SMIM14: variants seen among roughly 807,000 people sequenced by gnomAD.
SMIM14 encodes the protein small integral membrane protein 14, also known as chromosome 4 open reading frame 34.
In SMIM14, 5 loss-of-function variants were observed where a neutral mutation model predicts 12.6. The ratio of observed to expected loss-of-function variants is 0.40; its 90% CI spans 0.21 to 0.83. The LOEUF (loss-of-function observed/expected upper bound fraction) is 0.83, where lower values mean the gene tolerates loss of function less well. Among genes scored for constraint, SMIM14 ranks in the 40% least tolerant of loss-of-function variants. The pLI, the probability that SMIM14 is intolerant of heterozygous loss-of-function variation, is 0.37. For missense variants in SMIM14, 86 were observed against 119.1 expected (o/e 0.72, Z 1.29); for synonymous variants, 30 against 40.1 (o/e 0.75, Z 0.95).
In SMIM14 at chr4:39,574,844, C is replaced by T. The variant is rs964039597; in HGVS notation, c.76-2381G>A. ...TTGGTGTATACTACTAAAAGTAGTC[C>T]TGTTTGGAGCCAGGCCCGGTGGCTC... On this transcript the variant is annotated intron_variant, in intron 2 of 4. Transcript: ENST00000295958. 1.3e-5 allele frequency among the ~76,000 whole-genome samples: 2 copies of T among 151,976 alleles called. 1 individual carries two copies.
rs1166924086 is a variant in SMIM14 at position 39,610,144 on chromosome 4, C to T, written c.-35-4964G>A. 7.9e-5 allele frequency among the ~76,000 whole-genome samples: 12 copies of T among 152,262 alleles called. No individual in the cohort carries two copies. In the South Asian group the frequency reaches 2.1e-3, roughly 26 times the overall value. On this transcript the variant is annotated intron_variant, in intron 1 of 4. Transcript: ENST00000295958. ...TAGCTGGGACCACAGGTACACACCCCATCTTGCTAGTTTTAAATTTTCTGT... is the reference window on the plus strand; with the variant it reads ...TAGCTGGGACCACAGGTACACACCCTATCTTGCTAGTTTTAAATTTTCTGT...
chr4:39,638,344 C>T, intron 1 of SMIM14: 4 of 499,580 alleles, frequency 8.0e-6, no homozygotes, highest in Non-Finnish European at 1.0e-5. Context: ...CTGAGGGAGA[C>T]GGTAAACAAG....
chr4:39,612,403 C>A (rs146440171), intron 1 of SMIM14, among the ~76,000 whole-genome samples: 1 of 151,896 alleles, frequency 6.6e-6, no homozygotes, highest in African/African-American at 2.4e-5. Flanking sequence ...TACACACATG[C>A]GCTATGCTGG....
intron 3 of SMIM14, among the ~76,000 whole-genome samples, chr4:39,560,034 A>G (rs985505752): frequency 2.0e-5 from 3 of 151,548 alleles, no homozygotes; most frequent in African/African-American, 7.3e-5. Flanking sequence ...AGGTGGGAGG[A>G]TGGCTTGAGC....
intron 1 of SMIM14, among the ~76,000 whole-genome samples, chr4:39,607,066 T>C (rs770823365): frequency 3.9e-5 from 6 of 152,000 alleles, no homozygotes; most frequent in African/African-American, 1.2e-4. Flanking sequence ...ACTTGGGTGG[T>C]TGGGGCAGGA....
rs1168446466 is a variant in SMIM14 at position 39,567,143 on chromosome 4, GAAAAAAAAAAAA to G, written c.124+5260_124+5271del. ...AGAGCAAAACTCCATCTCAAAAAAA[GAAAAAAAAAAAA>G]AAAAAAAAAAAAAAGGAAGCCGCAA... On this transcript the variant is annotated intron_variant, in intron 3 of 4. Transcript: ENST00000295958. Among the ~76,000 whole-genome samples, 87 of 72,118 alleles carry G rather than the reference GAAAAAAAAAAAA, an allele frequency of 1.2e-3. 1 individual carries two copies. Among genetic ancestry groups the G allele is most frequent in the African/African-American group, 4.1e-3 (84 of 20,448 alleles). The allele number at this position is 72,118 out of a possible 152,430, so 47.3% of individuals were successfully genotyped here.
chr4:39,581,873 CTTTTTTTT>C (rs200459196), intron 2 of SMIM14, among the ~76,000 whole-genome samples: 1 of 135,418 alleles, frequency 7.4e-6, no homozygotes, highest in Non-Finnish European at 1.6e-5. Flanking sequence ...AATGTCTTTT[CTTTTTTTT>C]TTTTTTTGAG....
chr4:39,563,799 C>A (rs1258432728), intron 3 of SMIM14, among the ~76,000 whole-genome samples: 1 of 152,218 alleles, frequency 6.6e-6, no homozygotes, highest in East Asian at 1.9e-4. Flanking sequence ...CTGAGACCAT[C>A]TCATAGCTGT....
intron 1 of SMIM14, among the ~76,000 whole-genome samples, chr4:39,627,464 T>C (rs950514082): frequency 9.2e-5 from 14 of 152,146 alleles, no homozygotes; most frequent in Non-Finnish European, 2.9e-5. Flanking sequence ...AATAGATAAA[T>C]CACTTAGCCT....
intron 3 of SMIM14, among the ~76,000 whole-genome samples, chr4:39,562,145 A>C (rs1712340282): frequency 6.6e-6 from 1 of 151,802 alleles, no homozygotes; most frequent in African/African-American, 2.4e-5. Context: ...AGGCCGAGGC[A>C]GGAGGATCCC....
At chr4:39,597,013 C>A (rs1333576603) in intron 2 of SMIM14, among the ~76,000 whole-genome samples, 1 of 151,440 alleles carries the variant, frequency 6.6e-6, no homozygotes, top group Non-Finnish European at 1.5e-5. Context: ...TAGGTTCAAG[C>A]AATCTGCCTG....
chr4:39,586,121 T>C (rs1239344111), intron 2 of SMIM14, among the ~76,000 whole-genome samples: 1 of 152,112 alleles, frequency 6.6e-6, no homozygotes, highest in Non-Finnish European at 1.5e-5. Flanking sequence ...ACAAATCTTA[T>C]CAAGTGGTTA....
At chr4:39,582,366 G>T (rs1001261755) in intron 2 of SMIM14, among the ~76,000 whole-genome samples, 1 of 151,936 alleles carries the variant, frequency 6.6e-6, no homozygotes, top group Non-Finnish European at 1.5e-5. Flanking sequence ...GATTCTTTTT[G>T]AATATGAAAG....
chr4:39,565,337 CT>C (rs1178390646), intron 3 of SMIM14, among the ~76,000 whole-genome samples: 1 of 151,940 alleles, frequency 6.6e-6, no homozygotes. Flanking sequence ...GAGGGCTTTT[CT>C]TTTTTTTGGA....
In SMIM14 at chr4:39,556,513, A is replaced by G; in HGVS notation, c.182T>C (p.Met61Thr). The G allele has an allele frequency of 6.2e-7, 1 of 1,613,988 alleles. No individual in the cohort carries two copies. Among genetic ancestry groups the G allele is most frequent in the South Asian group, 1.1e-5 (1 of 91,036 alleles). The change falls in exon 4 of 5, where the codon ATG becomes ACG. Residue 61 changes from methionine (M) to threonine (T), a missense_variant. Met to Thr is a moderately conservative substitution (Grantham distance 81). Coordinates refer to ENST00000295958, the MANE Select transcript of SMIM14 (RefSeq NM_174921.3). The part of the protein sequence containing the change: ...ISVTMILVAW[M>T]VIALILFLLR... ...TAAGAACAAGATCAATGCAATAACCATCCAGGCTACCAAGATCATTGTAAC... is the reference window on the plus strand; with the variant it reads ...TAAGAACAAGATCAATGCAATAACCGTCCAGGCTACCAAGATCATTGTAAC...
intron 3 of SMIM14, among the ~76,000 whole-genome samples, chr4:39,565,354 T>C (rs1239834283): frequency 6.6e-6 from 1 of 152,120 alleles, no homozygotes; most frequent in African/African-American, 2.4e-5. Flanking sequence ...TTGGACAGGG[T>C]CTCACTCTGT....
At chr4:39,605,477 T>C (rs535026488) in intron 1 of SMIM14, among the ~76,000 whole-genome samples, 1 of 152,248 alleles carries the variant, frequency 6.6e-6, no homozygotes, top group Middle Eastern at 3.4e-3. Context: ...TACTCAATTA[T>C]TTGACTTTAT....
intron 1 of SMIM14, among the ~76,000 whole-genome samples, chr4:39,615,119 G>A (rs544474752): frequency 1.6e-4 from 25 of 151,976 alleles, no homozygotes; most frequent in Non-Finnish European, 2.8e-4. Context: ...TTTATTTATA[G>A]AGACAGGGTC....
chr4:39,633,115 G>A (rs1715972475), intron 1 of SMIM14, among the ~76,000 whole-genome samples: 1 of 151,884 alleles, frequency 6.6e-6, no homozygotes, highest in Admixed American at 6.6e-5. Flanking sequence ...CCAACATGGT[G>A]AAACTCTGTC....
Sources: allele counts gnomAD v4.1 joint callset (sites outside exome capture counted in the v4.1 genomes callset), GRCh38; gene constraint gnomAD v4.1.1; transcripts MANE v1.5; gene names NCBI Gene and HGNC (gene_info 2026-07-23, HGNC 2026-07-21).